DOCK11: variants seen among roughly 807,000 people sequenced by gnomAD.
DOCK11 encodes dedicator of cytokinesis 11.
Under a neutral mutation model 169.1 loss-of-function variants are expected in DOCK11, and 70 were observed. That is an observed-to-expected ratio of 0.41 (90% confidence interval 0.34 to 0.51). The LOEUF (loss-of-function observed/expected upper bound fraction) is 0.51. Ranked by LOEUF, DOCK11 falls within the 20% of genes least tolerant of loss-of-function variation. DOCK11 has a pLI of 0.10. For synonymous variants in DOCK11, 529 were observed against 541.3 expected, an observed-to-expected ratio of 0.98 and a Z score of 0.32; for missense variants, 1,166 against 1,538.8, an observed-to-expected ratio of 0.76 and a Z score of 4.05.
At chrX:118,628,120 T>C in intron 33 of DOCK11, 43 bp from the exon 34 acceptor site, 1 of 834,508 alleles carries the variant, frequency 1.2e-6, no homozygotes, top group South Asian at 2.2e-5. Flanking sequence ...TTCTGACAGT[T>C]CCCCCTCTTG....
At chrX:118,630,980 C>T (rs1009432554) in intron 35 of DOCK11, among the ~76,000 whole-genome samples, 20 of 111,332 alleles carry the variant, frequency 1.8e-4, no homozygotes, top group African/African-American at 6.5e-4. Context: ...CGTTCTTTGT[C>T]GGGCTCTGTT....
intron 1 of DOCK11, among the ~76,000 whole-genome samples, chrX:118,497,427 C>T (rs1183497108): frequency 1.8e-5 from 2 of 112,314 alleles, no homozygotes; most frequent in Non-Finnish European, 3.8e-5. Context: ...ATAGCTACAA[C>T]TGTGCAAACC....
rs1319550798 is a variant in DOCK11, at chrX:118,599,163, C to T, written c.2497C>T (p.His833Tyr). The change falls in exon 23 of 53, where the codon CAT becomes TAT. Residue 833 changes from histidine (H) to tyrosine (Y), a missense_variant. Transcript: ENST00000276202. ...TQDLHVHKFFHHCQLIQSGSK... is the reference protein window; with the variant it reads ...TQDLHVHKFFYHCQLIQSGSK... The stretch of plus-strand genomic sequence containing the variant: ...GGATCTGCATGTGCACAAATTCTTC[C>T]ATCATTGCCAGCTGATTCAGTCAGG... 1.7e-6 allele frequency: 2 copies of T among 1,210,401 alleles called. No homozygotes were observed. The highest frequency in any genetic ancestry group is 1.8e-5 in the South Asian group (1 of 56,873).
Position 118,681,706 on chromosome X carries a change from C to G in DOCK11, c.5875C>G (p.Pro1959Ala). The change falls in exon 51 of 53, where the codon CCA (proline) becomes GCA (alanine). Residue 1959 changes from proline to alanine, a missense_variant. Coordinates refer to ENST00000276202, the MANE Select transcript of DOCK11 (RefSeq NM_144658.4). ...TATTGTGATATAGGTCAATGCTGGT[C>G]CATTAGCATATGCAAGAGCTTTCTT... The part of the protein sequence containing the change: ...GCVSVQVNAG[P>A]LAYARAFLND... The G allele has an allele frequency of 2.5e-6, 3 of 1,198,600 alleles. No individual in the cohort carries two copies. Among genetic ancestry groups the G allele is most frequent in the Non-Finnish European group, 3.4e-6 (3 of 888,483 alleles).
intron 36 of DOCK11, 28 bp downstream of exon 36, chrX:118,636,440 A>T (rs1390542166): frequency 1.2e-5 from 10 of 839,124 alleles, no homozygotes; most frequent in Non-Finnish European, 1.5e-5. Flanking sequence ...ATCTTCATAT[A>T]CTTTCCCCTT....
At chrX:118,543,882 G>A (rs867772856) in intron 4 of DOCK11, among the ~76,000 whole-genome samples, 12 of 111,706 alleles carry the variant, frequency 1.1e-4, no homozygotes, top group African/African-American at 3.9e-4. Flanking sequence ...CCCGGGAGGC[G>A]GAGGTTGCAG....
chrX:118,525,014 G>A lies in DOCK11; in HGVS notation c.103-17711G>A, dbSNP rs748413021. On this transcript the variant is annotated intron_variant, in intron 1 of 52. Transcript: ENST00000276202. ...ATGAAAATTAGCTGGGCGTGGTGGC[G>A]TGTGCCTGTAATCTCAGCTACTCAG... Among the ~76,000 whole-genome samples the A allele has an allele frequency of 1.4e-4, 16 of 110,501 alleles. No homozygotes were observed. The East Asian group carries it at 3.7e-3, about 26-fold the overall frequency.
chrX:118,546,375 G>A (rs1384597671), intron 6 of DOCK11, among the ~76,000 whole-genome samples: 1 of 111,357 alleles, frequency 9.0e-6, no homozygotes, highest in Non-Finnish European at 1.9e-5. Context: ...GTTGAAGGAG[G>A]AAAATAGCTT....
rs899964795 is a variant in DOCK11 at position 118,682,995 on chromosome X, G to A, written c.5964-84G>A. ...TGATCTTCTTCCTAGGCAAGCCATG[G>A]CTAAACTGAGTTATCAAATGGATTG... On this transcript the variant is annotated intron_variant, in intron 51 of 52. Coordinates refer to ENST00000276202, the MANE Select transcript of DOCK11 (RefSeq NM_144658.4). 34 of 975,177 alleles carry A rather than the reference G, an allele frequency of 3.5e-5. No individual in the cohort carries two copies. The East Asian group carries it at 8.8e-4, about 25-fold the overall frequency. 80.4% of individuals were successfully genotyped at this position (975,177 alleles called of 1,213,427 possible).
At chrX:118,519,023 G>A (rs898275302) in intron 1 of DOCK11, among the ~76,000 whole-genome samples, 2 of 111,197 alleles carry the variant, frequency 1.8e-5, no homozygotes, top group East Asian at 2.8e-4. Context: ...TTGCATTTCC[G>A]TGGACCTTTA....
At chrX:118,685,458 G>T (rs2016836907) in intron 52 of DOCK11, 1 of 324,756 alleles carries the variant, frequency 3.1e-6, no homozygotes, top group Non-Finnish European at 5.2e-6. Flanking sequence ...TACAGTCTTT[G>T]TTTTTCTTAA....
intron 1 of DOCK11, among the ~76,000 whole-genome samples, chrX:118,504,411 C>T (rs192940281): frequency 6.6e-4 from 73 of 111,442 alleles, no homozygotes; most frequent in African/African-American, 1.7e-3. Context: ...TCTTACTTGA[C>T]CTCTGTGGAT....
rs781741776 is a variant in DOCK11 at position 118,608,054 on chromosome X, T to C, written c.2682-18T>C. 8.5e-7 allele frequency: 1 copy of C among 1,176,493 alleles called. No homozygotes were observed. Among genetic ancestry groups the C allele is most frequent in the Admixed American group, 2.5e-5 (1 of 40,653 alleles). ...TCATTATAGCATGACATGCTGACTC[T>C]TGTGAATGTCGTTTCAGGGTTCTCT... On this transcript the variant is annotated intron_variant, in intron 24 of 52. Coordinates refer to ENST00000276202, the MANE Select transcript of DOCK11 (RefSeq NM_144658.4).
At chrX:118,500,104 G>A (rs1159519808) in intron 1 of DOCK11, among the ~76,000 whole-genome samples, 5 of 106,848 alleles carry the variant, frequency 4.7e-5, no homozygotes, top group African/African-American at 1.7e-4. Context: ...ACTGGAGTGC[G>A]GTGGCGGGAT....
intron 45 of DOCK11, among the ~76,000 whole-genome samples, chrX:118,665,614 G>A (rs1411156694): frequency 9.0e-6 from 1 of 111,597 alleles, no homozygotes; most frequent in Non-Finnish European, 1.9e-5. Flanking sequence ...AAATCTTTTG[G>A]GTTCTACAAG....
At chrX:118,653,476 G>A (rs1340501852) in intron 42 of DOCK11, among the ~76,000 whole-genome samples, 3 of 111,206 alleles carry the variant, frequency 2.7e-5, no homozygotes, top group Non-Finnish European at 5.7e-5. Flanking sequence ...GCAATGGCCC[G>A]ATCTTGGCTC....
At position 118,550,523 on chromosome X, in the gene DOCK11, T is replaced by C. The variant is rs760040048; in HGVS notation, c.558+4407T>C. 4.5e-5 allele frequency among the ~76,000 whole-genome samples: 5 copies of C among 112,145 alleles called. No individual in the cohort carries two copies. The East Asian group carries it at 1.4e-3, about 31-fold the overall frequency. ...GCAGTGTTGACACATCATTTTTTCA[T>C]GTTCTCTTTCTGTATCAATACAGGG... On this transcript the variant is annotated intron_variant, in intron 6 of 52. Coordinates refer to ENST00000276202, the MANE Select transcript of DOCK11 (RefSeq NM_144658.4).
intron 1 of DOCK11, among the ~76,000 whole-genome samples, chrX:118,528,512 G>A (rs926104403): frequency 1.8e-5 from 2 of 111,592 alleles, no homozygotes; most frequent in South Asian, 7.5e-4. Flanking sequence ...AGGAGAAGGT[G>A]TAGACATAGT....
chrX:118,571,663 G>A (rs1464526918), intron 10 of DOCK11, among the ~76,000 whole-genome samples: 1 of 111,992 alleles, frequency 8.9e-6, no homozygotes, highest in African/African-American at 3.2e-5. Flanking sequence ...ATCCTGCACA[G>A]CTCAAAAACG....
Sources: allele counts gnomAD v4.1 joint callset (sites outside exome capture counted in the v4.1 genomes callset), GRCh38; gene constraint gnomAD v4.1.1; transcripts MANE v1.5; gene names NCBI Gene and HGNC (gene_info 2026-07-23, HGNC 2026-07-21).